Variants in SYT1 observed in about 807,000 individuals in gnomAD.
The protein encoded by SYT1 is synaptotagmin-1.
Under a neutral mutation model 44.8 loss-of-function variants are expected in SYT1, and 8 were observed. That is an observed-to-expected ratio of 0.18 (90% CI 0.10 to 0.32). The LOEUF (loss-of-function observed/expected upper bound fraction) is 0.32. SYT1 is among the 10% of genes least tolerant of loss of function. SYT1 has a pLI of 1.00. For missense variants in SYT1, 286 were observed against 509.3 expected, an observed-to-expected ratio of 0.56 and a Z score of 4.22; for synonymous variants, 154 against 188.8, an observed-to-expected ratio of 0.82 and a Z score of 1.51.
intron 4 of SYT1, among the ~76,000 whole-genome samples, chr12:79,270,871 A>G (rs1055923917): frequency 6.6e-6 from 1 of 152,222 alleles, no homozygotes; most frequent in Admixed American, 6.5e-5. Context: ...AAGTCATCTA[A>G]TATTTATTGA....
At chr12:79,286,390 G>C (rs910763876) in intron 5 of SYT1, among the ~76,000 whole-genome samples, 1 of 152,088 alleles carries the variant, frequency 6.6e-6, no homozygotes, top group South Asian at 2.1e-4. Context: ...TGAGTTTTAC[G>C]GCTGTTCATC....
intron 9 of SYT1, among the ~76,000 whole-genome samples, chr12:79,385,077 C>T (rs1401140983): frequency 6.6e-6 from 1 of 150,870 alleles, no homozygotes. Context: ...ACCTCCGCCT[C>T]CTAGATTCAA....
intron 8 of SYT1, among the ~76,000 whole-genome samples, chr12:79,343,496 G>A (rs938847643): frequency 2.6e-5 from 4 of 152,196 alleles, no homozygotes; most frequent in African/African-American, 9.7e-5. Context: ...AGGCACAGAA[G>A]AGAAAGTACA....
At chr12:78,995,023 T>G in intron 2 of SYT1, among the ~76,000 whole-genome samples, 1 of 152,168 alleles carries the variant, frequency 6.6e-6, no homozygotes, top group South Asian at 2.1e-4. Flanking sequence ...CCAGCGATTC[T>G]CCACCTTCAC....
At chr12:78,985,209 A>G (rs1869556024) in intron 2 of SYT1, among the ~76,000 whole-genome samples, 1 of 151,988 alleles carries the variant, frequency 6.6e-6, no homozygotes, top group Non-Finnish European at 1.5e-5. Flanking sequence ...AACAATGAAG[A>G]ACTATTCCAC....
chr12:78,957,574 A>G (rs563596622), intron 1 of SYT1, among the ~76,000 whole-genome samples: 43 of 152,274 alleles, frequency 2.8e-4, no homozygotes, highest in Admixed American at 7.2e-4. Context: ...CTGTGATCAC[A>G]CAGCTAGTAG....
At chr12:78,962,357 T>C (rs1240837054) in intron 1 of SYT1, among the ~76,000 whole-genome samples, 1 of 150,636 alleles carries the variant, frequency 6.6e-6, no homozygotes, top group Non-Finnish European at 1.5e-5. Context: ...TTTTTGAGTC[T>C]TATAATTAAT....
Position 79,217,061 on chromosome 12 carries a change from G to C in SYT1, c.-17-442G>C, listed in dbSNP as rs1006620667. On this transcript the variant is annotated intron_variant, in intron 3 of 10. Coordinates refer to ENST00000261205, the MANE Select transcript of SYT1 (RefSeq NM_005639.3). ...AAAGTCACTAGCATTTTGAGTACATGTTATCATTTATCAACATTTCCAATA... is the reference window on the plus strand; with the variant it reads ...AAAGTCACTAGCATTTTGAGTACATCTTATCATTTATCAACATTTCCAATA... Among the ~76,000 whole-genome samples the C allele has an allele frequency of 5.9e-5, 9 of 152,174 alleles. 1 individual carries two copies. The Middle Eastern group carries it at 0.01, about 173-fold the overall frequency.
At chr12:79,023,306 T>C (rs535872035) in intron 2 of SYT1, among the ~76,000 whole-genome samples, 1 of 151,956 alleles carries the variant, frequency 6.6e-6, no homozygotes, top group Non-Finnish European at 1.5e-5. Context: ...TGAATCTTCA[T>C]AGAGGAGGGA....
intron 3 of SYT1, among the ~76,000 whole-genome samples, chr12:79,073,961 T>G (rs1876465708): frequency 6.6e-6 from 1 of 152,192 alleles, no homozygotes; most frequent in African/African-American, 2.4e-5. Context: ...TTGTCAATTT[T>G]GATCATTTGC....
At chr12:79,139,476 C>G (rs1289108888) in intron 3 of SYT1, among the ~76,000 whole-genome samples, 1 of 152,020 alleles carries the variant, frequency 6.6e-6, no homozygotes, top group Non-Finnish European at 1.5e-5. Flanking sequence ...CTTCTGGTTC[C>G]TCTTAGGCTT....
intron 1 of SYT1, among the ~76,000 whole-genome samples, chr12:78,949,740 A>T (rs1878863157): frequency 6.6e-6 from 1 of 152,014 alleles, no homozygotes; most frequent in African/African-American, 2.4e-5. Context: ...ATTTTGGCTT[A>T]TTCAGCATAT....
At chr12:79,058,430 CTCTT>C (rs1460687538) in intron 3 of SYT1, among the ~76,000 whole-genome samples, 3 of 152,096 alleles carry the variant, frequency 2.0e-5, no homozygotes, top group Admixed American at 6.6e-5. Flanking sequence ...AGCCTTCTCT[CTCTT>C]TGTCACCTTT....
In SYT1 at chr12:79,219,557, G is replaced by A. The variant is rs1255127824; in HGVS notation, c.166+1872G>A. Among the ~76,000 whole-genome samples, 5 of 152,048 alleles carry A rather than the reference G, an allele frequency of 3.3e-5. No individual in the cohort carries two copies. The East Asian group carries it at 9.7e-4, about 29-fold the overall frequency. On this transcript the variant is annotated intron_variant, in intron 4 of 10. Coordinates refer to ENST00000261205, the MANE Select transcript of SYT1 (RefSeq NM_005639.3). The stretch of plus-strand genomic sequence containing the variant: ...AGATAGAGTATAGTTTCATTCTTAT[G>A]CATGTGGATATCCAGTTTTCCCAAC...
At chr12:79,136,512 G>A (rs1869199000) in intron 3 of SYT1, among the ~76,000 whole-genome samples, 1 of 152,028 alleles carries the variant, frequency 6.6e-6, no homozygotes, top group Non-Finnish European at 1.5e-5. Flanking sequence ...ATTACAAAAA[G>A]ACTTCTAATC....
chr12:79,294,605 T>C (rs1879790328), intron 6 of SYT1, among the ~76,000 whole-genome samples: 1 of 152,114 alleles, frequency 6.6e-6, no homozygotes, highest in Non-Finnish European at 1.5e-5. Context: ...AAATTATAAA[T>C]CATCTAGTTT....
At chr12:78,961,428 T>TGTGGAA (rs1879497471) in intron 1 of SYT1, among the ~76,000 whole-genome samples, 1 of 152,148 alleles carries the variant, frequency 6.6e-6, no homozygotes. Context: ...CTTTAAATAG[T>TGTGGAA]TCTTACCCTC....
chr12:79,226,645 C>A (rs555052075), intron 4 of SYT1, among the ~76,000 whole-genome samples: 2 of 152,046 alleles, frequency 1.3e-5, no homozygotes, highest in Admixed American at 1.3e-4. Context: ...TATGGTAAAT[C>A]AATGTTAGAA....
intron 8 of SYT1, among the ~76,000 whole-genome samples, chr12:79,335,261 C>G (rs17005484): frequency 6.6e-6 from 1 of 151,996 alleles, no homozygotes; most frequent in Non-Finnish European, 1.5e-5. Flanking sequence ...AGTCCTTTTT[C>G]CTGGAACTTG....
Sources: allele counts gnomAD v4.1 joint callset (sites outside exome capture counted in the v4.1 genomes callset), GRCh38; gene constraint gnomAD v4.1.1; transcripts MANE v1.5; gene names NCBI Gene and HGNC (gene_info 2026-07-23, HGNC 2026-07-21).